RAB11FIP4: variants seen among roughly 807,000 people sequenced by gnomAD.
RAB11FIP4 encodes rab11 family-interacting protein 4.
In RAB11FIP4, 23 loss-of-function variants were observed where a neutral mutation model predicts 74.3. The observed-to-expected ratio is 0.31, with a 90% CI of 0.22 to 0.44. The LOEUF is 0.44. RAB11FIP4 is among the 20% of genes least tolerant of loss of function. The pLI is 1.00. For missense variants in RAB11FIP4, 630 were observed against 863.9 expected, an observed-to-expected ratio of 0.73 and a Z score of 3.39; for synonymous variants, 360 against 359.9, an observed-to-expected ratio of 1.00 and a Z score of 0.00.
At chr17:31,429,727 G>T (rs2071287824) in intron 1 of RAB11FIP4, among the ~76,000 whole-genome samples, 1 of 151,604 alleles carries the variant, frequency 6.6e-6, no homozygotes, top group Non-Finnish European at 1.5e-5. Context: ...CTCAGGAGAG[G>T]CTGAGGCAGG....
At chr17:31,463,230 C>G (rs2071649842) in intron 3 of RAB11FIP4, among the ~76,000 whole-genome samples, 1 of 152,194 alleles carries the variant, frequency 6.6e-6, no homozygotes, top group African/African-American at 2.4e-5. Flanking sequence ...GGTTTGAGCC[C>G]CAGCCCTGGC....
chr17:31,500,435 C>T (rs562947846), intron 3 of RAB11FIP4, among the ~76,000 whole-genome samples: 5 of 152,214 alleles, frequency 3.3e-5, no homozygotes, highest in East Asian at 3.9e-4. Flanking sequence ...CTGTCTGGCA[C>T]GGAGAAACTG....
chr17:31,515,561 C>A (rs1743763211), intron 3 of RAB11FIP4, among the ~76,000 whole-genome samples: 1 of 152,038 alleles, frequency 6.6e-6, no homozygotes, highest in Admixed American at 6.6e-5. Context: ...TCTGGGCAGG[C>A]ACATCCAGGC....
chr17:31,428,261 A>G (rs765078768), intron 1 of RAB11FIP4, among the ~76,000 whole-genome samples: 12 of 152,230 alleles, frequency 7.9e-5, no homozygotes, highest in Admixed American at 2.0e-4. Flanking sequence ...CCCCTGCTGC[A>G]GCTGCCACGC....
intron 3 of RAB11FIP4, among the ~76,000 whole-genome samples, chr17:31,447,126 T>C (rs944642768): frequency 6.6e-6 from 1 of 152,034 alleles, no homozygotes; most frequent in Non-Finnish European, 1.5e-5. Flanking sequence ...CCACTAAAAA[T>C]ACAAAAAATT....
rs767993027 is a variant in RAB11FIP4, at chr17:31,530,342, G to T, written c.1670G>T (p.Arg557Leu). 3 of 1,614,120 alleles carry T rather than the reference G, an allele frequency of 1.9e-6. No homozygotes were observed. In the Admixed American group the frequency reaches 5.0e-5, roughly 27 times the overall value. ...KRLKQENYKL[R>L]DQNDDLNGQI... ...TCTCTGTAGGAGAATTATAAGCTGC[G>T]GGATCAGAACGACGACTTGAATGGG... Residue 557 changes from arginine to leucine, a missense_variant, in exon 14 of 15, where the codon CGG becomes CTG. Coordinates refer to ENST00000621161, the MANE Select transcript of RAB11FIP4 (RefSeq NM_032932.6).
At chr17:31,508,459 T>G (rs2007889) in intron 3 of RAB11FIP4, among the ~76,000 whole-genome samples, 1 of 152,134 alleles carries the variant, frequency 6.6e-6, no homozygotes, top group African/African-American at 2.4e-5. Flanking sequence ...TCAGCAGGCT[T>G]CTGGGAGTGG....
chr17:31,517,125 C>G (rs2072566101), intron 3 of RAB11FIP4, among the ~76,000 whole-genome samples: 1 of 147,282 alleles, frequency 6.8e-6, no homozygotes, highest in Non-Finnish European at 1.5e-5. Context: ...CAGGAGGGGA[C>G]CAATCAGAGA....
At chr17:31,462,866 C>A (rs1396315071) in intron 3 of RAB11FIP4, among the ~76,000 whole-genome samples, 9 of 152,126 alleles carry the variant, frequency 5.9e-5, no homozygotes, top group Admixed American at 5.9e-4. Context: ...GAACTCCTGA[C>A]CTCAAATGAT....
At chr17:31,420,385 C>G (rs528868552) in intron 1 of RAB11FIP4, among the ~76,000 whole-genome samples, 1 of 151,980 alleles carries the variant, frequency 6.6e-6, no homozygotes, top group Non-Finnish European at 1.5e-5. Flanking sequence ...GCATGTGCCA[C>G]CATGCTTGGC....
chr17:31,393,307 C>T (rs375523395), intron 1 of RAB11FIP4, among the ~76,000 whole-genome samples: 1 of 152,240 alleles, frequency 6.6e-6, no homozygotes, highest in African/African-American at 2.4e-5. Flanking sequence ...CCAGCCAAGC[C>T]CTTCCGTTTT....
At chr17:31,485,474 T>G (rs2071891977) in intron 3 of RAB11FIP4, among the ~76,000 whole-genome samples, 1 of 152,186 alleles carries the variant, frequency 6.6e-6, no homozygotes, top group Non-Finnish European at 1.5e-5. Context: ...GAAGGGATGA[T>G]CACCCTTGGT....
At position 31,521,957 on chromosome 17, in the gene RAB11FIP4, C is replaced by A. The variant is rs748803837; in HGVS notation, c.801C>A (p.Ser267Arg). The A allele has an allele frequency of 2.5e-6, 4 of 1,614,054 alleles. No individual in the cohort carries two copies. The East Asian group carries it at 8.9e-5, about 36-fold the overall frequency. Residue 267 changes from serine (S) to arginine (R), a missense_variant, in exon 6 of 15, where the codon AGC (serine) becomes AGA (arginine). By Grantham distance (110) the Ser-to-Arg change is moderately radical. Coordinates refer to ENST00000621161, the MANE Select transcript of RAB11FIP4 (RefSeq NM_032932.6). ...GGAAAATGCGGCACGTGTACAACAGCGAATTGCTAGATGTTTACTGCTCTC... is the reference window on the plus strand; with the variant it reads ...GGAAAATGCGGCACGTGTACAACAGAGAATTGCTAGATGTTTACTGCTCTC... ...TPRKMRHVYNSELLDVYCSQC... is the reference protein window; with the variant it reads ...TPRKMRHVYNRELLDVYCSQC...
intron 3 of RAB11FIP4, among the ~76,000 whole-genome samples, chr17:31,501,356 T>G (rs1316836630): frequency 6.6e-6 from 1 of 152,026 alleles, no homozygotes; most frequent in East Asian, 1.9e-4. Context: ...ATGCGTTTAA[T>G]ACATCTCACC....
chr17:31,503,381 G>T (rs1371479344), intron 3 of RAB11FIP4, among the ~76,000 whole-genome samples: 1 of 149,590 alleles, frequency 6.7e-6, no homozygotes, highest in East Asian at 1.9e-4. Context: ...GTCACATTCT[G>T]AAGTACTAGG....
At chr17:31,521,102 C>T in intron 4 of RAB11FIP4, 64 bp from the exon 5 acceptor site, 2 of 1,308,878 alleles carry the variant, frequency 1.5e-6, no homozygotes, top group Non-Finnish European at 2.1e-6. Context: ...TCAGTTTCCC[C>T]ACCACGGGCT....
In RAB11FIP4 at chr17:31,435,582, G is replaced by C. The variant is rs1368297905; in HGVS notation, c.336+1460G>C. On this transcript the variant is annotated intron_variant, in intron 3 of 14. Transcript: ENST00000621161. ...CAAACCTTTTCCCCAGTTCTGATGG[G>C]TGCCTCCTCTGGACCCCAAAACATG... Among the ~76,000 whole-genome samples, 6 of 152,252 alleles carry C rather than the reference G, an allele frequency of 3.9e-5. No individual in the cohort carries two copies. In the East Asian group the frequency reaches 1.2e-3, roughly 29 times the overall value.
intron 3 of RAB11FIP4, among the ~76,000 whole-genome samples, chr17:31,453,369 A>C (rs971886090): frequency 2.7e-5 from 4 of 149,398 alleles, no homozygotes; most frequent in African/African-American, 1.0e-4. Flanking sequence ...AAAAAAAAAA[A>C]AAAAAAAAAA....
chr17:31,401,001 G>C (rs1021251349), intron 1 of RAB11FIP4, among the ~76,000 whole-genome samples: 2 of 152,216 alleles, frequency 1.3e-5, no homozygotes, highest in Non-Finnish European at 2.9e-5. Context: ...GGGAGCGGTG[G>C]CTCATGCCTG....
Sources: allele counts gnomAD v4.1 joint callset (sites outside exome capture counted in the v4.1 genomes callset), GRCh38; gene constraint gnomAD v4.1.1; transcripts MANE v1.5; gene names NCBI Gene and HGNC (gene_info 2026-07-23, HGNC 2026-07-21).